EP300: variants seen among roughly 807,000 people sequenced by gnomAD.
EP300 encodes histone acetyltransferase p300.
In EP300, 31 loss-of-function variants were observed where a neutral mutation model predicts 264.0. The ratio of observed to expected loss-of-function variants is 0.12; its 90% CI spans 0.09 to 0.16. EP300 has a LOEUF of 0.16. EP300 is among the 10% of genes least tolerant of loss of function. The probability of loss-of-function intolerance (pLI) is 1.00; values close to 1 mark genes in which losing one functional copy is unlikely to be tolerated. For synonymous variants in EP300, 1,340 were observed against 1,045.4 expected, an observed-to-expected ratio of 1.28 and a Z score of -5.44; for missense variants, 2,766 against 3,052.9, an observed-to-expected ratio of 0.91 and a Z score of 2.21.
At position 41,173,646 on chromosome 22, in the gene EP300, T is replaced by C; in HGVS notation, c.4641T>C (p.Asn1547=). ...STDVTKGDSK[N]AKKKNNKKTS... ...AGGTGACCAAGGGAGACAGCAAAAA[T>C]GCTAAAAAGAAGAATAATAAGAAAA... is the stretch of plus-strand genomic sequence containing the variant. The change falls in exon 29 of 31, where the codon AAT becomes AAC. Residue 1547 remains asparagine, a synonymous_variant. Transcript: ENST00000263253. The C allele has an allele frequency of 6.2e-7, 1 of 1,614,006 alleles. No homozygotes were observed. Among genetic ancestry groups the C allele is most frequent in the South Asian group, 1.1e-5 (1 of 91,062 alleles).
chr22:41,163,983 T>C, intron 21 of EP300, 70 bp from the exon 22 acceptor site: 1 of 1,383,792 alleles, frequency 7.2e-7, no homozygotes, highest in African/African-American at 1.4e-5. Flanking sequence ...TCAGAAGTCA[T>C]GGGAAATATT....
chr22:41,160,588 G>C (rs2059102736), intron 19 of EP300, 54 bp from the exon 20 acceptor site: 1 of 1,575,796 alleles, frequency 6.3e-7, no homozygotes, highest in Non-Finnish European at 8.7e-7. Flanking sequence ...GCTTGGCTTG[G>C]GCTGTGTTGT....
chr22:41,141,304 C>A (rs2145726756), intron 10 of EP300, 82 bp downstream of exon 10: 2 of 1,452,842 alleles, frequency 1.4e-6, no homozygotes, highest in Non-Finnish European at 1.9e-6. Flanking sequence ...TTTCTGTAAG[C>A]TTGTGTAACT....
intron 10 of EP300, 48 bp downstream of exon 10, chr22:41,141,270 A>T (rs2058980750): frequency 6.4e-7 from 1 of 1,573,500 alleles, no homozygotes. Flanking sequence ...TGATAATAAA[A>T]TAGTTTCTAT....
chr22:41,131,653 A>G lies in EP300; in HGVS notation c.1528+20A>G. 1 of 1,614,000 alleles carries G rather than the reference A, an allele frequency of 6.2e-7. No homozygotes were observed. The highest frequency in any genetic ancestry group is 2.2e-5 in the East Asian group (1 of 44,888). On this transcript the variant is annotated intron_variant, in intron 6 of 30. Transcript: ENST00000263253. ...ACATGAGTAAGTTTGTGTCATCCTA[A>G]TAACATGGTATTGGTTGTGTCAGTA... is the stretch of plus-strand genomic sequence containing the variant.
At chr22:41,110,524 C>T (rs1601594092) in intron 1 of EP300, among the ~76,000 whole-genome samples, 2 of 151,446 alleles carry the variant, frequency 1.3e-5, no homozygotes, top group African/African-American at 4.8e-5. Context: ...AACACCTGGC[C>T]TCAAGTGATC....
Position 41,130,041 on chromosome 22 carries a change from T to G in EP300, c.1282+38T>G, listed in dbSNP as rs745572198. On this transcript the variant is annotated intron_variant, in intron 5 of 30. Transcript: ENST00000263253. ...ATCTTTTGAAGGTTTATATGAAAAGTTTTAAAGTCTCACCAGTGCCATTTA... is the reference window on the plus strand; with the variant it reads ...ATCTTTTGAAGGTTTATATGAAAAGGTTTAAAGTCTCACCAGTGCCATTTA... The G allele has an allele frequency of 2.0e-6, 3 of 1,518,300 alleles. No homozygotes were observed. The South Asian group carries it at 3.4e-5, about 17-fold the overall frequency. 94.1% of individuals were successfully genotyped at this position (1,518,300 alleles called of 1,614,324 possible). A position where few individuals can be genotyped will look rare whatever the true frequency, so the allele number is the denominator to read the frequency against.
chr22:41,177,926 G>A lies in EP300; in HGVS notation c.6215G>A (p.Ser2072Asn), dbSNP rs1430512329. Residue 2072 changes from serine to asparagine, a missense_variant, in exon 31 of 31, where the codon AGT becomes AAT. Ser to Asn is a conservative substitution (Grantham distance 46). Coordinates refer to ENST00000263253, the MANE Select transcript of EP300 (RefSeq NM_001429.4). ...SSPLQQQQVL[S>N]ILHANPQLLA... ...CCCCTGCAGCAGCAACAGGTGCTTAGTATCCTTCACGCCAACCCCCAGCTG... is the reference window on the plus strand; with the variant it reads ...CCCCTGCAGCAGCAACAGGTGCTTAATATCCTTCACGCCAACCCCCAGCTG... The A allele has an allele frequency of 1.2e-6, 2 of 1,614,188 alleles. No individual in the cohort carries two copies. Among genetic ancestry groups the A allele is most frequent in the Middle Eastern group, 1.6e-4 (1 of 6,062 alleles).
At chr22:41,172,919 C>T (rs1476774481) in intron 28 of EP300, among the ~76,000 whole-genome samples, 1 of 152,138 alleles carries the variant, frequency 6.6e-6, no homozygotes, top group African/African-American at 2.4e-5. Context: ...TGAAGGAAAT[C>T]CTGAAAAACT....
At position 41,147,888 on chromosome 22, in the gene EP300, G is replaced by A. The variant is rs746729196; in HGVS notation, c.2183G>A (p.Arg728Gln). ...MSMAQPPIVP[R>Q]QTPPLQHHGQ... ...ATGGCCCAGCCCCCTATTGTACCCC[G>A]GCAAACCCCTCCTCTTCAGCACCAT... is the stretch of plus-strand genomic sequence containing the variant. Residue 728 changes from arginine (R) to glutamine (Q), a missense_variant, in exon 12 of 31, where the codon CGG becomes CAG. Coordinates refer to ENST00000263253, the MANE Select transcript of EP300 (RefSeq NM_001429.4). 2.4e-5 allele frequency: 38 copies of A among 1,613,828 alleles called. No homozygotes were observed. Among genetic ancestry groups the A allele is most frequent in the East Asian group, 4.5e-5 (2 of 44,882 alleles).
intron 2 of EP300, among the ~76,000 whole-genome samples, chr22:41,124,091 T>TA (rs961066211): frequency 3.3e-5 from 5 of 152,036 alleles, no homozygotes; most frequent in African/African-American, 9.7e-5. Context: ...CGACTGAAAG[T>TA]AAAAAAATTA....
chr22:41,097,731 A>G (rs2058709836), intron 1 of EP300, among the ~76,000 whole-genome samples: 1 of 152,142 alleles, frequency 6.6e-6, no homozygotes, highest in Non-Finnish European at 1.5e-5. Context: ...TATTTTTTTA[A>G]GTGAGGCAAG....
intron 10 of EP300, among the ~76,000 whole-genome samples, chr22:41,144,520 ATTTTTTTTTAT>A (rs1265825485): frequency 6.6e-6 from 1 of 150,966 alleles, no homozygotes; most frequent in Non-Finnish European, 1.5e-5. Flanking sequence ...TGCCTGGCTA[ATTTTTTTTTAT>A]TTTTTAGTAG....
rs756497005 is a variant in EP300 at position 41,147,962 on chromosome 22, T to C, written c.2241+16T>C. 1 of 1,562,426 alleles carries C rather than the reference T, an allele frequency of 6.4e-7. No homozygotes were observed. The highest frequency in any genetic ancestry group is 1.4e-5 in the African/African-American group (1 of 73,168). ...TCTCAACCCGGTTAGTTTGACGTCT[T>C]TGGTAATCTCTTTGGCCTTTACCTG... On this transcript the variant is annotated intron_variant, in intron 12 of 30. Coordinates refer to ENST00000263253, the MANE Select transcript of EP300 (RefSeq NM_001429.4).
intron 29 of EP300, chr22:41,174,816 A>G (rs1461988730): frequency 2.6e-5 from 4 of 152,192 alleles, no homozygotes; most frequent in Non-Finnish European, 5.9e-5. Flanking sequence ...AAAATTGGTT[A>G]AACAGTCTCT....
rs1161978007 is a variant in EP300, at chr22:41,126,016, T to A, written c.882T>A (p.Val294=). The change falls in exon 3 of 31, where the codon GTT becomes GTA. Residue 294 remains valine, a synonymous_variant. Transcript: ENST00000263253. ...LSPFAMDKKA[V]PGGGMPNMGQ... Reference sequence around the variant, plus strand: ...CATTTGCTATGGACAAAAAGGCAGTTCCTGGTGGAGGAATGCCCAACATGG... The same window carrying A: ...CATTTGCTATGGACAAAAAGGCAGTACCTGGTGGAGGAATGCCCAACATGG... 4 of 1,614,068 alleles carry A rather than the reference T, an allele frequency of 2.5e-6. No individual in the cohort carries two copies. In the Admixed American group the frequency reaches 6.7e-5, roughly 27 times the overall value.
chr22:41,179,862 C>T lies in EP300; in HGVS notation c.*906C>T, dbSNP rs989646867. The T allele has an allele frequency of 9.6e-6, 2 of 208,852 alleles. No individual in the cohort carries two copies. Among genetic ancestry groups the T allele is most frequent in the Non-Finnish European group, 1.9e-5 (2 of 106,236 alleles). The allele number at this position is 208,852 out of a possible 1,614,324, so 12.9% of individuals were successfully genotyped here. On this transcript the variant is annotated 3_prime_UTR_variant, in exon 31 of 31. Coordinates refer to ENST00000263253, the MANE Select transcript of EP300 (RefSeq NM_001429.4). ...TTTCTTCTTTGCTTGCTTTCTTCCTCCTTACCCTACCCCCCACTCACACAC... is the reference window on the plus strand; with the variant it reads ...TTTCTTCTTTGCTTGCTTTCTTCCTTCTTACCCTACCCCCCACTCACACAC...
rs562297999 is a variant in EP300, at chr22:41,172,433, T to G, written c.4453-66T>G. On this transcript the variant is annotated intron_variant, in intron 27 of 30. Coordinates refer to ENST00000263253, the MANE Select transcript of EP300 (RefSeq NM_001429.4). ...TTTCATGTTTCTTGTCAGCCATGATTATTCTGTATAATCAATGCTTTAAAA... is the reference window on the plus strand; with the variant it reads ...TTTCATGTTTCTTGTCAGCCATGATGATTCTGTATAATCAATGCTTTAAAA... 76 of 1,397,832 alleles carry G rather than the reference T, an allele frequency of 5.4e-5. No homozygotes were observed. In the African/African-American group the frequency reaches 8.3e-4, roughly 15 times the overall value. 86.6% of individuals were successfully genotyped at this position (1,397,832 alleles called of 1,614,324 possible).
chr22:41,108,244 CTTT>C (rs1184276266), intron 1 of EP300: 134 of 112,034 alleles, frequency 1.2e-3, no homozygotes, highest in African/African-American at 3.2e-3. Context: ...TTTTCTTTTT[CTTT>C]TTTTTTTTTT....
Sources: allele counts gnomAD v4.1 joint callset (sites outside exome capture counted in the v4.1 genomes callset), GRCh38; gene constraint gnomAD v4.1.1; transcripts MANE v1.5; gene names NCBI Gene and HGNC (gene_info 2026-07-23, HGNC 2026-07-21).